MYO1G: variants seen among roughly 807,000 people sequenced by gnomAD.
MYO1G encodes unconventional myosin-Ig.
MYO1G carries 65 observed loss-of-function variants against 115.3 expected under a neutral mutation model. The ratio of observed to expected loss-of-function variants is 0.56; its 90% CI spans 0.46 to 0.69. The LOEUF (loss-of-function observed/expected upper bound fraction) is 0.69. Among genes scored for constraint, MYO1G ranks in the 30% least tolerant of loss-of-function variants. MYO1G has a pLI of 0.00. For synonymous variants in MYO1G, 510 were observed against 552.6 expected (o/e 0.92, Z 1.08); for missense variants, 1,204 against 1,393.5 (o/e 0.86, Z 2.16).
Position 44,969,905 on chromosome 7 carries a change from C to T in MYO1G, c.1333-30G>A. 1 of 1,590,860 alleles carries T rather than the reference C, an allele frequency of 6.3e-7. No homozygotes were observed. The highest frequency in any genetic ancestry group is 8.6e-7 in the Non-Finnish European group (1 of 1,167,252). ...GGCAAAGGCAGCCAGCAAGGAAGCT[C>T]CCAAGGTCTTTCAGGCCACCTCCCC... On this transcript the variant is annotated intron_variant, in intron 10 of 21. Coordinates refer to ENST00000258787, the MANE Select transcript of MYO1G (RefSeq NM_033054.3). This position sits in a 1 kb window ranked among gnomAD's most constrained non-coding sequence, Gnocchi z 5.0.
intron 7 of MYO1G, 92 bp downstream of exon 7, chr7:44,971,581 C>T (rs1794958359): frequency 1.1e-6 from 1 of 921,050 alleles, no homozygotes; most frequent in South Asian, 1.6e-5. Context: ...GCTGGGGCAT[C>T]TCCAGCCAGT....
chr7:44,966,066 A>C lies in MYO1G; in HGVS notation c.2157+7T>G. On this transcript the variant is annotated splice_region_variant and intron_variant, in intron 16 of 21. Coordinates refer to ENST00000258787, the MANE Select transcript of MYO1G (RefSeq NM_033054.3). This position sits in a 1 kb window ranked among gnomAD's most constrained non-coding sequence, Gnocchi z 5.0. ...TAGTGGATGTCTTCCTGCCCCGCCC[A>C]CCTCACCTTCTGCAATAGCAGCACA... 1 of 1,610,080 alleles carries C rather than the reference A, an allele frequency of 6.2e-7. No homozygotes were observed. The highest frequency in any genetic ancestry group is 1.1e-5 in the South Asian group (1 of 91,028).
Position 44,969,692 on chromosome 7 carries a change from C to G in MYO1G, c.1503+13G>C. The G allele has an allele frequency of 6.2e-7, 1 of 1,610,212 alleles. No homozygotes were observed. Among genetic ancestry groups the G allele is most frequent in the Non-Finnish European group, 8.5e-7 (1 of 1,179,612 alleles). ...CCAGCCCACTGTGGTGGCACTGGGA[C>G]AGCCGGGGGCACCTGGCGGCTGGTG... On this transcript the variant is annotated intron_variant, in intron 11 of 21. Transcript: ENST00000258787. This position sits in a 1 kb window ranked among gnomAD's most constrained non-coding sequence, Gnocchi z 5.0.
rs1388762320 is a variant in MYO1G, at chr7:44,962,872, C to G, written c.2924G>C (p.Arg975Pro). ...CQGEGRTLEVRVSDCIPLSHR... is the reference protein window; with the variant it reads ...CQGEGRTLEVPVSDCIPLSHR... ...GCTTAGTGGGATGCAGTCGGAGACG[C>G]GAACCTCCAGGGTGCGGCCCTCCCT... The change falls in exon 22 of 22, where the codon CGC (arginine) becomes CCC (proline). Residue 975 changes from arginine to proline, a missense_variant. Arg to Pro is a moderately radical substitution (Grantham distance 103). Transcript: ENST00000258787. The surrounding 1 kb of genome is among the most constrained non-coding windows in gnomAD (Gnocchi z 5.3). 3 of 1,495,952 alleles carry G rather than the reference C, an allele frequency of 2.0e-6. No homozygotes were observed. The highest frequency in any genetic ancestry group is 2.3e-5 in the Admixed American group (1 of 43,786). The allele number at this position is 1,495,952 out of a possible 1,614,324, so 92.7% of individuals were successfully genotyped here. A position where few individuals can be genotyped will look rare whatever the true frequency, so the allele number is the denominator to read the frequency against.
At position 44,969,116 on chromosome 7, in the gene MYO1G, G is replaced by T; in HGVS notation, c.1574+297C>A. 2 of 278,280 alleles carry T rather than the reference G, an allele frequency of 7.2e-6. No homozygotes were observed. Among genetic ancestry groups the T allele is most frequent in the South Asian group, 9.8e-5 (2 of 20,496 alleles). 17.2% of individuals were successfully genotyped at this position (278,280 alleles called of 1,614,324 possible). On this transcript the variant is annotated intron_variant, in intron 12 of 21. Transcript: ENST00000258787. This position sits in a 1 kb window ranked among gnomAD's most constrained non-coding sequence, Gnocchi z 5.0. ...CTCCCCACCCCCACATCACCAGCCT[G>T]AAGCCCCCCACCCCACAGATGCTGG...
rs1794871102 is a variant in MYO1G, at chr7:44,967,667, G to T, written c.1720C>A (p.Leu574Met). 6.2e-7 allele frequency: 1 copy of T among 1,613,764 alleles called. No homozygotes were observed. The highest frequency in any genetic ancestry group is 8.5e-7 in the Non-Finnish European group (1 of 1,180,000). ...QDITEVTKRP[L>M]TAGTLFKNSM... ...TTCTTGAAGAGTGTGCCAGCCGTCA[G>T]GGGGCGCTTGGTCACCTCTGTGATG... The change falls in exon 14 of 22, where the codon CTG becomes ATG. Residue 574 changes from leucine (L) to methionine (M), a missense_variant. Transcript: ENST00000258787.
rs771418567 is a variant in MYO1G at position 44,978,916 on chromosome 7, G to A, written c.46C>T (p.Leu16Phe). ...GPEYGKPDFV[L>F]LDQVTMEDFM... The stretch of plus-strand genomic sequence containing the variant: ...TCCTCCATGGTCACTTGGTCCAAAA[G>A]CACAAAGTCAGGTTTGCCATACTCA... The change falls in exon 1 of 22, where the codon CTT becomes TTT. Residue 16 changes from leucine to phenylalanine, a missense_variant. Coordinates refer to ENST00000258787, the MANE Select transcript of MYO1G (RefSeq NM_033054.3). 3 of 1,614,210 alleles carry A rather than the reference G, an allele frequency of 1.9e-6. No homozygotes were observed. Among genetic ancestry groups the A allele is most frequent in the South Asian group, 2.2e-5 (2 of 91,092 alleles).
Position 44,970,893 on chromosome 7 carries a change from A to T in MYO1G, c.1013T>A (p.Leu338His). The T allele has an allele frequency of 6.2e-7, 1 of 1,613,528 alleles. No homozygotes were observed. The highest frequency in any genetic ancestry group is 8.5e-7 in the Non-Finnish European group (1 of 1,180,016). ...AGCTGCAGTGTGGCCCTTCTCTATG[A>T]GTTCCCTGCCTCCCGAGGCAACTGT... Reference protein sequence around the residue: ...ARTVASGGRELIEKGHTAAEA... With the variant: ...ARTVASGGREHIEKGHTAAEA... Residue 338 changes from leucine (L) to histidine (H), a missense_variant, in exon 8 of 22, where the codon CTC becomes CAC. Leu to His is a moderately conservative substitution (Grantham distance 99). Transcript: ENST00000258787.
Position 44,970,873 on chromosome 7 carries a change from C to A in MYO1G, c.1033G>T (p.Ala345Ser). Residue 345 changes from alanine (A) to serine (S), a missense_variant, in exon 8 of 22, where the codon GCA becomes TCA. By Grantham distance (99) the Ala-to-Ser change is moderately conservative. Coordinates refer to ENST00000258787, the MANE Select transcript of MYO1G (RefSeq NM_033054.3). Reference sequence around the variant, plus strand: ...TCCCGGGCATAGCTGGCCTCAGCTGCAGTGTGGCCCTTCTCTATGAGTTCC... The same window carrying A: ...TCCCGGGCATAGCTGGCCTCAGCTGAAGTGTGGCCCTTCTCTATGAGTTCC... ...GRELIEKGHT[A>S]AEASYARDAC... 6.2e-7 allele frequency: 1 copy of A among 1,613,618 alleles called. No homozygotes were observed. The highest frequency in any genetic ancestry group is 8.5e-7 in the Non-Finnish European group (1 of 1,180,042).
In MYO1G at chr7:44,967,630, G is replaced by A. The variant is rs150942992; in HGVS notation, c.1757C>T (p.Ala586Val). 7 of 1,613,752 alleles carry A rather than the reference G, an allele frequency of 4.3e-6. No homozygotes were observed. Among genetic ancestry groups the A allele is most frequent in the Non-Finnish European group, 5.9e-6 (7 of 1,180,034 alleles). The part of the protein sequence containing the change: ...AGTLFKNSMV[A>V]LVENLASKEP... ...CTTGGAGGCAAGGTTCTCCACCAGG[G>A]CCACCATGGAGTTCTTGAAGAGTGT... The change falls in exon 14 of 22, where the codon GCC becomes GTC. Residue 586 changes from alanine (A) to valine (V), a missense_variant. By Grantham distance (64) the Ala-to-Val change is moderately conservative (BLOSUM62 0). Transcript: ENST00000258787.
chr7:44,971,754 C>A lies in MYO1G; in HGVS notation c.765G>T (p.Val255=). 1 of 1,555,874 alleles carries A rather than the reference C, an allele frequency of 6.4e-7. No homozygotes were observed. The highest frequency in any genetic ancestry group is 1.2e-5 in the South Asian group (1 of 84,370). Residue 255 remains valine, a synonymous_variant, in exon 7 of 22, where the codon GTG becomes GTT. Coordinates refer to ENST00000258787, the MANE Select transcript of MYO1G (RefSeq NM_033054.3). ...LDSDEQSHQA[V]TEAMRVIGFS... is the part of the protein sequence containing the mutation. Reference sequence around the variant, plus strand: ...AGCCGATGACCCTCATGGCCTCGGTCACTGCCTGGTGGCTCTGCTCATCAC... The same window carrying A: ...AGCCGATGACCCTCATGGCCTCGGTAACTGCCTGGTGGCTCTGCTCATCAC...
rs1794929906 is a variant in MYO1G at position 44,970,244 on chromosome 7, T to C, written c.1218-90A>G. On this transcript the variant is annotated intron_variant, in intron 9 of 21. Transcript: ENST00000258787. Reference sequence around the variant, plus strand: ...CTGCTCCCCTGAACATCTCTGCTAATGTTCATTGAGGGTTCTGGTGCCAGC... The same window carrying C: ...CTGCTCCCCTGAACATCTCTGCTAACGTTCATTGAGGGTTCTGGTGCCAGC... 3 of 934,026 alleles carry C rather than the reference T, an allele frequency of 3.2e-6. No homozygotes were observed. In the South Asian group the frequency reaches 4.4e-5, roughly 14 times the overall value. The allele number at this position is 934,026 out of a possible 1,614,324, so 57.9% of individuals were successfully genotyped here.
Position 44,969,441 on chromosome 7 carries a change from G to C in MYO1G, c.1546C>G (p.Arg516Gly). 1 of 1,613,932 alleles carries C rather than the reference G, an allele frequency of 6.2e-7. No individual in the cohort carries two copies. The highest frequency in any genetic ancestry group is 8.5e-7 in the Non-Finnish European group (1 of 1,180,014). ...ACGTCCCCTGCATAGTGCTTGATCC[G>C]GAAGTCTCGGCCAAACTCCATGGTC... is the stretch of plus-strand genomic sequence containing the variant. Reference protein sequence around the residue: ...DKTMEFGRDFRIKHYAGDVTY... With the variant: ...DKTMEFGRDFGIKHYAGDVTY... The change falls in exon 12 of 22, where the codon CGG becomes GGG. Residue 516 changes from arginine to glycine, a missense_variant. Physicochemically the swap from Arg to Gly is moderately radical, Grantham distance 125. Transcript: ENST00000258787. The surrounding 1 kb of genome is among the most constrained non-coding windows in gnomAD (Gnocchi z 5.0).
In MYO1G at chr7:44,962,858, T is replaced by A; in HGVS notation, c.2938A>T (p.Ile980Phe). ...CGGACCCCGCGATGGCTTAGTGGGA[T>A]GCAGTCGGAGACGCGAACCTCCAGG... The part of the protein sequence containing the change: ...RTLEVRVSDC[I>F]PLSHRGVRRL... The change falls in exon 22 of 22, where the codon ATC becomes TTC. Residue 980 changes from isoleucine (I) to phenylalanine (F), a missense_variant. Physicochemically the swap from Ile to Phe is conservative, Grantham distance 21. Transcript: ENST00000258787. The surrounding 1 kb of genome is among the most constrained non-coding windows in gnomAD (Gnocchi z 5.3). 6.6e-7 allele frequency: 1 copy of A among 1,505,844 alleles called. No homozygotes were observed. The highest frequency in any genetic ancestry group is 8.9e-7 in the Non-Finnish European group (1 of 1,129,646). 93.3% of individuals were successfully genotyped at this position (1,505,844 alleles called of 1,614,324 possible). A position where few individuals can be genotyped will look rare whatever the true frequency, so the allele number is the denominator to read the frequency against.
At chr7:44,967,571 G>A (rs1419028221) in intron 14 of MYO1G, 34 bp downstream of exon 14, 6 of 1,612,706 alleles carry the variant, frequency 3.7e-6, no homozygotes, top group Admixed American at 3.3e-5. Flanking sequence ...AGAAGGATCC[G>A]GAACAGCCAG....
In MYO1G at chr7:44,969,995, C is replaced by T. The variant is rs1794923031; in HGVS notation, c.1332+45G>A. On this transcript the variant is annotated intron_variant, in intron 10 of 21. Coordinates refer to ENST00000258787, the MANE Select transcript of MYO1G (RefSeq NM_033054.3). This position sits in a 1 kb window ranked among gnomAD's most constrained non-coding sequence, Gnocchi z 5.0. ...GGCCCCTCCCCATGGGCTGAGGCCC[C>T]TCCACACCCCACTGCCTGGCCTCCC... The T allele has an allele frequency of 6.2e-7, 1 of 1,601,496 alleles. No homozygotes were observed. Among genetic ancestry groups the T allele is most frequent in the Non-Finnish European group, 8.5e-7 (1 of 1,170,378 alleles).
intron 5 of MYO1G, chr7:44,974,758 C>T (rs1447614401): frequency 1.8e-5 from 4 of 218,298 alleles, no homozygotes; most frequent in Admixed American, 4.8e-5. Context: ...AGTCCCTGGG[C>T]GCGCCTATCT....
Position 44,962,937 on chromosome 7 carries a change from C to A in MYO1G, c.2900+33G>T. The A allele has an allele frequency of 6.6e-7, 1 of 1,506,382 alleles. No homozygotes were observed. Among genetic ancestry groups the A allele is most frequent in the Non-Finnish European group, 8.8e-7 (1 of 1,130,822 alleles). 93.3% of individuals were successfully genotyped at this position (1,506,382 alleles called of 1,614,324 possible). A position where few individuals can be genotyped will look rare whatever the true frequency, so the allele number is the denominator to read the frequency against. ...GGTCAGGGCGGCCACGCGGCCGGGG[C>A]TTCGTGCCCGCTACCGCCCAGCCTG... On this transcript the variant is annotated intron_variant, in intron 21 of 21. Coordinates refer to ENST00000258787, the MANE Select transcript of MYO1G (RefSeq NM_033054.3). This position sits in a 1 kb window ranked among gnomAD's most constrained non-coding sequence, Gnocchi z 5.3.
At chr7:44,976,443 C>T in intron 3 of MYO1G, 121 bp downstream of exon 3, 1 of 923,250 alleles carries the variant, frequency 1.1e-6, no homozygotes, top group South Asian at 1.5e-5. Context: ...CAAGTTCCCA[C>T]TGAACTTGAC....
Sources: gnomAD v4.1 joint callset for allele counts on GRCh38, gnomAD v4.1.1 for gene constraint, Gnocchi (gnomAD v3.1) non-coding constraint, MANE v1.5 for transcripts, NCBI Gene and HGNC (gene_info 2026-07-23, HGNC 2026-07-21) for gene names.